The following TTC29 variants were observed in gnomAD, a reference collection of about 807,000 sequenced individuals.
The protein encoded by TTC29 is tetratricopeptide repeat domain 29, also known as tetratricopeptide repeat protein 29.
In TTC29, 49 loss-of-function variants were observed where a neutral mutation model predicts 58.1. The ratio of observed to expected loss-of-function variants is 0.84; its 90% CI spans 0.67 to 1.07. The LOEUF (loss-of-function observed/expected upper bound fraction) is 1.07, where lower values mean the gene tolerates loss of function less well. Ranked by LOEUF, TTC29 falls within the 50% of genes least tolerant of loss-of-function variation. The pLI is 0.00. For synonymous variants in TTC29, 209 were observed against 196.8 expected (o/e 1.06, Z -0.52); for missense variants, 582 against 555.6 (o/e 1.05, Z -0.48).
At chr4:146,936,209 A>G (rs1208072472) in intron 4 of TTC29, among the ~76,000 whole-genome samples, 2 of 152,300 alleles carry the variant, frequency 1.3e-5, no homozygotes, top group East Asian at 3.9e-4. Context: ...TGGAAAAATA[A>G]TATTAAGAGA....
At chr4:146,780,699 C>CAT (rs1004791049) in intron 11 of TTC29, among the ~76,000 whole-genome samples, 49 of 151,186 alleles carry the variant, frequency 3.2e-4, no homozygotes, top group African/African-American at 1.0e-3. Context: ...CACACACACA[C>CAT]ATATATATAA....
chr4:146,806,623 A>T (rs1383299378), intron 10 of TTC29, among the ~76,000 whole-genome samples: 1 of 148,888 alleles, frequency 6.7e-6, no homozygotes, highest in East Asian at 2.1e-4. Context: ...AACAAAGATA[A>T]AAAAAAAAAG....
chr4:146,865,057 T>C (rs1007201069), intron 8 of TTC29, among the ~76,000 whole-genome samples: 1 of 152,110 alleles, frequency 6.6e-6, no homozygotes, highest in Non-Finnish European at 1.5e-5. Context: ...GTTAATAGGT[T>C]GTAGGGACTT....
At chr4:146,792,475 C>T (rs146652362) in intron 11 of TTC29, among the ~76,000 whole-genome samples, 19 of 152,200 alleles carry the variant, frequency 1.2e-4, no homozygotes, top group Non-Finnish European at 2.1e-4. Flanking sequence ...TATTACTGCT[C>T]ATTGATAATG....
chr4:146,720,669 C>T (rs1743288597), intron 11 of TTC29, among the ~76,000 whole-genome samples: 1 of 152,036 alleles, frequency 6.6e-6, no homozygotes, highest in African/African-American at 2.4e-5. Flanking sequence ...GGCTCTGGCC[C>T]ATTATGTCAT....
At chr4:146,729,556 G>A (rs1238407434) in intron 11 of TTC29, among the ~76,000 whole-genome samples, 1 of 152,138 alleles carries the variant, frequency 6.6e-6, no homozygotes, top group African/African-American at 2.4e-5. Context: ...GAAATCAGAT[G>A]TCTAATGGGT....
chr4:146,908,507 T>C (rs1009333854), intron 5 of TTC29, among the ~76,000 whole-genome samples: 19 of 152,076 alleles, frequency 1.2e-4, no homozygotes, highest in African/African-American at 4.6e-4. Flanking sequence ...AAATTGACAA[T>C]TTTATTTGCA....
At chr4:146,928,348 T>C (rs1735077721) in intron 4 of TTC29, among the ~76,000 whole-genome samples, 2 of 152,202 alleles carry the variant, frequency 1.3e-5, no homozygotes, top group South Asian at 2.1e-4. Context: ...AACTAATAAA[T>C]ACTTTTTGTG....
intron 4 of TTC29, among the ~76,000 whole-genome samples, chr4:146,936,348 T>C (rs1735816616): frequency 6.6e-6 from 1 of 152,314 alleles, no homozygotes; most frequent in African/African-American, 2.4e-5. Flanking sequence ...GTGTAGCATG[T>C]TTAGTTTTTA....
At chr4:146,882,436 T>C (rs1442043357) in intron 6 of TTC29, among the ~76,000 whole-genome samples, 1 of 152,130 alleles carries the variant, frequency 6.6e-6, no homozygotes, top group Non-Finnish European at 1.5e-5. Flanking sequence ...ACTTGTATAG[T>C]TGGTAGTCGA....
At position 146,820,171 on chromosome 4, in the gene TTC29, T is replaced by A. The variant is rs746632975; in HGVS notation, c.1055A>T (p.Asp352Val). 6.2e-7 allele frequency: 1 copy of A among 1,613,346 alleles called. No individual in the cohort carries two copies. The highest frequency in any genetic ancestry group is 1.7e-5 in the Admixed American group (1 of 59,982). Residue 352 changes from aspartate (D) to valine (V), a missense_variant, in exon 10 of 13, where the codon GAT becomes GTT. Transcript: ENST00000325106. ...KIARNNFQSL[D>V]LVRASTMLGD... ...AAGCATTGTACTTGCTCTCACCAAATCTAGGCTTTGAAAATTGTTTCTTGC... is the reference window on the plus strand; with the variant it reads ...AAGCATTGTACTTGCTCTCACCAAAACTAGGCTTTGAAAATTGTTTCTTGC...
At chr4:146,725,614 A>G (rs1404383173) in intron 11 of TTC29, among the ~76,000 whole-genome samples, 1 of 152,136 alleles carries the variant, frequency 6.6e-6, no homozygotes, top group Non-Finnish European at 1.5e-5. Context: ...AAAACTTTAT[A>G]TTGTCTTATC....
At chr4:146,775,235 A>G (rs958396334) in intron 11 of TTC29, among the ~76,000 whole-genome samples, 2 of 152,082 alleles carry the variant, frequency 1.3e-5, no homozygotes, top group African/African-American at 2.4e-5. Flanking sequence ...TGAGAAATTT[A>G]TCCTGTTTAT....
chr4:146,757,834 C>A (rs547957047), intron 11 of TTC29, among the ~76,000 whole-genome samples: 1 of 152,068 alleles, frequency 6.6e-6, no homozygotes, highest in South Asian at 2.1e-4. Context: ...GAAACAAATC[C>A]TGGAAACACA....
intron 11 of TTC29, among the ~76,000 whole-genome samples, chr4:146,714,641 T>A (rs1742791349): frequency 6.6e-6 from 1 of 151,032 alleles, no homozygotes; most frequent in African/African-American, 2.4e-5. Flanking sequence ...ACATACCCAC[T>A]GAAAATATCT....
intron 11 of TTC29, among the ~76,000 whole-genome samples, chr4:146,798,712 C>A (rs1370389833): frequency 6.6e-6 from 1 of 151,150 alleles, no homozygotes; most frequent in African/African-American, 2.4e-5. Context: ...ACAGTGAAAC[C>A]CCGTCTCTAC....
chr4:146,713,484 ATCTT>A (rs1742681034), intron 11 of TTC29, among the ~76,000 whole-genome samples: 1 of 152,114 alleles, frequency 6.6e-6, no homozygotes, highest in African/African-American at 2.4e-5. Context: ...CAAAAAGTTA[ATCTT>A]TCTTATCTGT....
intron 11 of TTC29, among the ~76,000 whole-genome samples, chr4:146,789,509 T>G (rs1358061675): frequency 6.6e-6 from 1 of 152,202 alleles, no homozygotes; most frequent in African/African-American, 2.4e-5. Context: ...ATTGTGAAGT[T>G]TAATTTTCCA....
At chr4:146,908,096 A>G (rs1350343543) in intron 5 of TTC29, among the ~76,000 whole-genome samples, 9 of 152,124 alleles carry the variant, frequency 5.9e-5, no homozygotes, top group South Asian at 4.1e-4. Flanking sequence ...TGTTGTTTAC[A>G]TGACTCCATA....
Sources: allele counts gnomAD v4.1 joint callset (sites outside exome capture counted in the v4.1 genomes callset), GRCh38; gene constraint gnomAD v4.1.1; transcripts MANE v1.5; gene names NCBI Gene and HGNC (gene_info 2026-07-23, HGNC 2026-07-21).